The following TTC28 variants were observed in gnomAD, a reference collection of about 807,000 sequenced individuals.
The protein encoded by TTC28 is tetratricopeptide repeat domain 28.
Under a neutral mutation model 198.0 loss-of-function variants are expected in TTC28, and 61 were observed. The observed-to-expected ratio is 0.31, with a 90% CI of 0.25 to 0.38. The LOEUF is 0.38. Ranked by LOEUF, TTC28 falls within the 10% of genes least tolerant of loss-of-function variation. The pLI, the probability that TTC28 is intolerant of heterozygous loss-of-function variation, is 1.00. For synonymous variants in TTC28, 1,171 were observed against 1,297.8 expected, an observed-to-expected ratio of 0.90 and a Z score of 2.10; for missense variants, 2,678 against 3,164.0, an observed-to-expected ratio of 0.85 and a Z score of 3.69.
Position 28,105,591 on chromosome 22 carries a change from C to T in TTC28, c.2995G>A (p.Ala999Thr), listed in dbSNP as rs1436327056. Residue 999 changes from alanine (A) to threonine (T), a missense_variant, in exon 8 of 23, where the codon GCA (alanine) becomes ACA (threonine). Transcript: ENST00000397906. ...DMKDRALESD[A>T]ACGLGGVYQQ... The stretch of plus-strand genomic sequence containing the variant: ...TAAACGCCCCCCAGGCCACAGGCTG[C>T]GTCACTCTCCAGGGCTCGGTCTTTC... 2.6e-6 allele frequency: 4 copies of T among 1,551,698 alleles called. No homozygotes were observed. Among genetic ancestry groups the T allele is most frequent in the South Asian group, 2.4e-5 (2 of 84,060 alleles).
intron 5 of TTC28, among the ~76,000 whole-genome samples, chr22:28,203,127 T>A (rs1227148270): frequency 6.6e-6 from 1 of 152,094 alleles, no homozygotes; most frequent in Admixed American, 6.5e-5. Flanking sequence ...GCATATTAAA[T>A]TTTTTTAGTG....
chr22:28,217,545 T>C (rs777011660), intron 5 of TTC28, among the ~76,000 whole-genome samples: 3 of 152,192 alleles, frequency 2.0e-5, no homozygotes, highest in Non-Finnish European at 2.9e-5. Context: ...CAAAGCACAT[T>C]TATTGTCATT....
chr22:28,625,334 TACTAG>T (rs1248170494), intron 2 of TTC28, among the ~76,000 whole-genome samples: 2 of 152,224 alleles, frequency 1.3e-5, no homozygotes, highest in African/African-American at 4.8e-5. Flanking sequence ...GCAAAAATCC[TACTAG>T]AAATTAAAAG....
At chr22:28,499,872 A>G (rs1601474564) in intron 2 of TTC28, among the ~76,000 whole-genome samples, 1 of 152,316 alleles carries the variant, frequency 6.6e-6, no homozygotes, top group East Asian at 1.9e-4. Context: ...CATATAATGT[A>G]TAGTGATCAG....
chr22:28,117,780 T>C (rs1942672879), intron 6 of TTC28, among the ~76,000 whole-genome samples: 5 of 152,220 alleles, frequency 3.3e-5, no homozygotes, highest in Admixed American at 1.3e-4. Context: ...CAGCTACCCT[T>C]TCCCTGAGGA....
Position 28,579,759 on chromosome 22 carries a change from A to C in TTC28, c.381+49793T>G, listed in dbSNP as rs190300967. ...AAGGGGGAGCAGATCACTTGAGGTC[A>C]GGAGTTCAAGACCAGCCTGGCCAAC... On this transcript the variant is annotated intron_variant, in intron 2 of 22. Coordinates refer to ENST00000397906, the MANE Select transcript of TTC28 (RefSeq NM_001145418.2). Among the ~76,000 whole-genome samples the C allele has an allele frequency of 4.6e-5, 7 of 152,124 alleles. 1 individual carries two copies. In the East Asian group the frequency reaches 1.4e-3, roughly 29 times the overall value.
At chr22:28,372,664 G>A (rs902390728) in intron 2 of TTC28, among the ~76,000 whole-genome samples, 6 of 152,084 alleles carry the variant, frequency 3.9e-5, no homozygotes, top group East Asian at 1.9e-4. Flanking sequence ...CCAGGGACTC[G>A]TAGATGCTGA....
At chr22:28,395,622 A>T (rs1785454889) in intron 2 of TTC28, among the ~76,000 whole-genome samples, 1 of 50,234 alleles carries the variant, frequency 2.0e-5, no homozygotes, top group South Asian at 1.2e-3. Flanking sequence ...CTCAAAAAAA[A>T]AAACCAAACA....
chr22:28,216,815 A>G (rs1927442586), intron 5 of TTC28, among the ~76,000 whole-genome samples: 1 of 152,110 alleles, frequency 6.6e-6, no homozygotes, highest in Non-Finnish European at 1.5e-5. Flanking sequence ...TCAATCTCCC[A>G]GGCACAAGTG....
At chr22:28,055,833 C>CG in intron 12 of TTC28, among the ~76,000 whole-genome samples, 1 of 152,082 alleles carries the variant, frequency 6.6e-6, no homozygotes, top group East Asian at 1.9e-4. Context: ...TCACTCATAC[C>CG]GTCACCCCTA....
At chr22:28,600,091 A>C (rs1277240195) in intron 2 of TTC28, among the ~76,000 whole-genome samples, 1 of 152,204 alleles carries the variant, frequency 6.6e-6, no homozygotes, top group African/African-American at 2.4e-5. Context: ...CTTGTTGCTT[A>C]GTCTTTAAAA....
intron 5 of TTC28, among the ~76,000 whole-genome samples, chr22:28,247,185 T>G (rs1300433200): frequency 6.6e-6 from 1 of 152,148 alleles, no homozygotes; most frequent in Non-Finnish European, 1.5e-5. Context: ...CAACACTCAA[T>G]AAAGAGTGTC....
chr22:28,629,546 T>A lies in TTC28; in HGVS notation c.381+6A>T. Reference sequence around the variant, plus strand: ...AAAATAAATCTTCATAGGTAAAAATTTCTACCTTTGGCCACTTGGGATTGA... The same window carrying A: ...AAAATAAATCTTCATAGGTAAAAATATCTACCTTTGGCCACTTGGGATTGA... On this transcript the variant is annotated splice_donor_region_variant and intron_variant, in intron 2 of 22. Coordinates refer to ENST00000397906, the MANE Select transcript of TTC28 (RefSeq NM_001145418.2). 6.5e-7 allele frequency: 1 copy of A among 1,539,568 alleles called. No homozygotes were observed. Among genetic ancestry groups the A allele is most frequent in the Non-Finnish European group, 8.8e-7 (1 of 1,141,488 alleles).
intron 5 of TTC28, among the ~76,000 whole-genome samples, chr22:28,173,285 T>C (rs1922854009): frequency 6.6e-6 from 1 of 152,220 alleles, no homozygotes; most frequent in Admixed American, 6.5e-5. Flanking sequence ...GGTTTCAGGC[T>C]GTTAATGAGA....
chr22:28,039,335 C>A (rs1939510238), intron 12 of TTC28, among the ~76,000 whole-genome samples: 1 of 152,124 alleles, frequency 6.6e-6, no homozygotes, highest in South Asian at 2.1e-4. Flanking sequence ...GAATACTATG[C>A]AGCCATAAAA....
At chr22:28,012,362 G>T (rs991657908) in intron 14 of TTC28, among the ~76,000 whole-genome samples, 1 of 152,206 alleles carries the variant, frequency 6.6e-6, no homozygotes. Flanking sequence ...TGCATGCAAG[G>T]ATGTGATCGG....
intron 2 of TTC28, among the ~76,000 whole-genome samples, chr22:28,579,989 C>CACACACACACACAT (rs1168491209): frequency 1.3e-5 from 2 of 150,974 alleles, no homozygotes; most frequent in African/African-American, 4.9e-5. Context: ...AAAAATTATA[C>CACACACACACACAT]ACACACACAC....
intron 2 of TTC28, among the ~76,000 whole-genome samples, chr22:28,444,707 A>G (rs1198827802): frequency 2.0e-5 from 3 of 152,206 alleles, no homozygotes; most frequent in East Asian, 3.8e-4. Context: ...TCAGACCCAC[A>G]ATGACCCTAC....
chr22:28,419,530 G>C (rs73439834), intron 2 of TTC28, among the ~76,000 whole-genome samples: 1 of 152,114 alleles, frequency 6.6e-6, no homozygotes, highest in Admixed American at 6.5e-5. Context: ...TACCAAAAGA[G>C]AACTTTAGTA....
Sources: allele counts gnomAD v4.1 joint callset (sites outside exome capture counted in the v4.1 genomes callset), GRCh38; gene constraint gnomAD v4.1.1; transcripts MANE v1.5; gene names NCBI Gene and HGNC (gene_info 2026-07-23, HGNC 2026-07-21).